OAF: variants seen among roughly 807,000 people sequenced by gnomAD.
OAF encodes out at first homolog.
In OAF, 13 loss-of-function variants were observed where a neutral mutation model predicts 22.5. That is an observed-to-expected ratio of 0.58 (90% CI 0.38 to 0.92). The LOEUF is 0.92. Ranked by LOEUF, OAF falls within the 40% of genes least tolerant of loss-of-function variation. The pLI, the probability that OAF is intolerant of heterozygous loss-of-function variation, is 0.00. For missense variants in OAF, 347 were observed against 381.8 expected, an observed-to-expected ratio of 0.91 and a Z score of 0.76; for synonymous variants, 175 against 170.5, an observed-to-expected ratio of 1.03 and a Z score of -0.21.
chr11:120,216,800 TG>T (rs1040220018), intron 1 of OAF, among the ~76,000 whole-genome samples: 2 of 151,762 alleles, frequency 1.3e-5, no homozygotes, highest in Non-Finnish European at 2.9e-5. Flanking sequence ...CACAGAGAGG[TG>T]GTGGAGATAA....
chr11:120,226,944 C>T lies in OAF; in HGVS notation c.495C>T (p.Ala165=), dbSNP rs151137876. The part of the protein sequence containing the change: ...SPHLHNVCAE[A]VDAIYTRQED... ...ATCTCCACAACGTGTGTGCCGAGGC[C>T]GTGGATGCCATCTACACCCGCCAGG... The change falls in exon 3 of 4, where the codon GCC becomes GCT. Residue 165 remains alanine, a synonymous_variant. Transcript: ENST00000328965. The T allele has an allele frequency of 1.7e-4, 281 of 1,609,162 alleles. No individual in the cohort carries two copies. In the African/African-American group the frequency reaches 3.1e-3, roughly 18 times the overall value.
At chr11:120,215,778 G>A (rs937536139) in intron 1 of OAF, among the ~76,000 whole-genome samples, 9 of 152,156 alleles carry the variant, frequency 5.9e-5, no homozygotes, top group Non-Finnish European at 2.9e-5. Flanking sequence ...CCCCTAGTCC[G>A]AGTGGCCAAA....
At chr11:120,228,821 T>TGCCAAACCAAC in intron 3 of OAF, 47 bp from the exon 4 acceptor site, 2 of 520,278 alleles carry the variant, frequency 3.8e-6, no homozygotes, top group Non-Finnish European at 7.2e-6. Flanking sequence ...GGGAGCTCCT[T>TGCCAAACCAAC]CCCTCCCTCC....
intron 1 of OAF, among the ~76,000 whole-genome samples, chr11:120,215,908 G>A (rs1180675364): frequency 6.6e-6 from 1 of 152,108 alleles, no homozygotes; most frequent in East Asian, 1.9e-4. Context: ...GGTGGGCGGT[G>A]GGGGTCCCTT....
intron 2 of OAF, among the ~76,000 whole-genome samples, 170 bp downstream of exon 2, chr11:120,225,965 C>T (rs961330679): frequency 1.3e-5 from 2 of 152,188 alleles, no homozygotes; most frequent in African/African-American, 4.8e-5. Context: ...AGCTCCTCAT[C>T]TTCACGCTGT....
At chr11:120,226,792 G>C in intron 2 of OAF, 24 bp from the exon 3 acceptor site, 1 of 1,567,010 alleles carries the variant, frequency 6.4e-7, no homozygotes. Flanking sequence ...AGCCAGGTAG[G>C]AGTGACTTCT....
Position 120,229,171 on chromosome 11 carries a change from C to A in OAF, c.*29C>A. On this transcript the variant is annotated 3_prime_UTR_variant, in exon 4 of 4. Transcript: ENST00000328965. ...GGGAGCAACCTGGCGGGTGGCTGCT[C>A]TGGGCCCACTGCTCTTCACCAGCCA... 1 of 1,594,554 alleles carries A rather than the reference C, an allele frequency of 6.3e-7. No homozygotes were observed. Among genetic ancestry groups the A allele is most frequent in the South Asian group, 1.1e-5 (1 of 89,612 alleles).
intron 1 of OAF, among the ~76,000 whole-genome samples, chr11:120,211,740 C>T (rs995512834): frequency 3.3e-5 from 5 of 152,132 alleles, no homozygotes; most frequent in African/African-American, 1.2e-4. Context: ...CCAGCGCTCC[C>T]AGAGCCCCCC....
chr11:120,229,359 C>A lies in OAF; in HGVS notation c.*217C>A. 2.1e-5 allele frequency: 12 copies of A among 568,452 alleles called. No individual in the cohort carries two copies. Among genetic ancestry groups the A allele is most frequent in the South Asian group, 4.2e-5 (2 of 48,180 alleles). 35.2% of individuals were successfully genotyped at this position (568,452 alleles called of 1,614,324 possible). ...CACCCCCATTCCCACCCTGTGCCTTCCTTGCGGGCAGAGAGGGAGAGAAGG... is the reference window on the plus strand; with the variant it reads ...CACCCCCATTCCCACCCTGTGCCTTACTTGCGGGCAGAGAGGGAGAGAAGG... On this transcript the variant is annotated 3_prime_UTR_variant, in exon 4 of 4. Coordinates refer to ENST00000328965, the MANE Select transcript of OAF (RefSeq NM_178507.4).
rs1938344463 is a variant in OAF at position 120,225,584 on chromosome 11, G to A, written c.232-77G>A. 26 of 1,367,080 alleles carry A rather than the reference G, an allele frequency of 1.9e-5. No homozygotes were observed. In the South Asian group the frequency reaches 3.1e-4, roughly 16 times the overall value. The allele number at this position is 1,367,080 out of a possible 1,614,324, so 84.7% of individuals were successfully genotyped here. On this transcript the variant is annotated intron_variant, in intron 1 of 3. Coordinates refer to ENST00000328965, the MANE Select transcript of OAF (RefSeq NM_178507.4). ...CAGTGTCCAGGCATCCTGTTCAGGG[G>A]CCAAGCTGAGCACCCGGTGGGCCAG...
Position 120,226,750 on chromosome 11 carries a change from G to A in OAF, c.367-66G>A, listed in dbSNP as rs918378022. The A allele has an allele frequency of 2.4e-5, 34 of 1,437,720 alleles. No homozygotes were observed. The African/African-American group carries it at 4.3e-4, about 18-fold the overall frequency. The allele number at this position is 1,437,720 out of a possible 1,614,324, so 89.1% of individuals were successfully genotyped here. On this transcript the variant is annotated intron_variant, in intron 2 of 3. Transcript: ENST00000328965. Reference sequence around the variant, plus strand: ...AGCTTGGGCTCGCCTGACTCTGGAGGGTCAGGGGAAGATGGACAGGGAGCA... The same window carrying A: ...AGCTTGGGCTCGCCTGACTCTGGAGAGTCAGGGGAAGATGGACAGGGAGCA...
chr11:120,227,396 G>A (rs565830533), intron 3 of OAF, among the ~76,000 whole-genome samples: 1 of 152,240 alleles, frequency 6.6e-6, no homozygotes, highest in Admixed American at 6.5e-5. Flanking sequence ...TCCAGGCAGG[G>A]CACACAGACT....
intron 1 of OAF, among the ~76,000 whole-genome samples, chr11:120,217,786 C>T (rs559539246): frequency 3.5e-4 from 53 of 152,166 alleles, no homozygotes; most frequent in Non-Finnish European, 6.3e-4. Context: ...CAGAGGCCCG[C>T]GTGGGCATGT....
chr11:120,228,739 A>T (rs1938393836), intron 3 of OAF, 129 bp from the exon 4 acceptor site: 8 of 692,342 alleles, frequency 1.2e-5, no homozygotes, highest in Non-Finnish European at 1.7e-5. Flanking sequence ...AAGCTTGGAA[A>T]TGGAGGTGTC....
chr11:120,224,028 G>A (rs1203615070), intron 1 of OAF, among the ~76,000 whole-genome samples: 1 of 152,224 alleles, frequency 6.6e-6, no homozygotes, highest in Non-Finnish European at 1.5e-5. Flanking sequence ...CAAGGAGATT[G>A]CAGCACCATG....
chr11:120,216,941 C>G (rs1353586041), intron 1 of OAF, among the ~76,000 whole-genome samples: 2 of 152,186 alleles, frequency 1.3e-5, no homozygotes, highest in African/African-American at 4.8e-5. Context: ...CTGGAGCTCT[C>G]AAGTGAGGCT....
Position 120,229,369 on chromosome 11 carries a change from AGAGAGGG to A in OAF, c.*228_*234del. On this transcript the variant is annotated 3_prime_UTR_variant, in exon 4 of 4. Coordinates refer to ENST00000328965, the MANE Select transcript of OAF (RefSeq NM_178507.4). Reference sequence around the variant, plus strand: ...CCCACCCTGTGCCTTCCTTGCGGGCAGAGAGGGAGAGAAGGGCTCCCCAGATCTACAC... The same window carrying A: ...CCCACCCTGTGCCTTCCTTGCGGGCAAGAGAAGGGCTCCCCAGATCTACAC... 1 of 308,026 alleles carries A rather than the reference AGAGAGGG, an allele frequency of 3.2e-6. No homozygotes were observed. The highest frequency in any genetic ancestry group is 1.2e-4 in the South Asian group (1 of 8,536). 19.1% of individuals were successfully genotyped at this position (308,026 alleles called of 1,614,324 possible). A position where few individuals can be genotyped will look rare whatever the true frequency, so the allele number is the denominator to read the frequency against.
chr11:120,228,747 G>A, intron 3 of OAF, 121 bp from the exon 4 acceptor site: 1 of 728,136 alleles, frequency 1.4e-6, no homozygotes, highest in Non-Finnish European at 2.2e-6. Context: ...AAATGGAGGT[G>A]TCTGTAAATG....
chr11:120,213,752 G>A (rs967993611), intron 1 of OAF: 3 of 152,148 alleles, frequency 2.0e-5, no homozygotes, highest in African/African-American at 7.2e-5. Context: ...AAGAAAGTTT[G>A]GTCTAGAAGG....
Sources: allele counts gnomAD v4.1 joint callset (sites outside exome capture counted in the v4.1 genomes callset), GRCh38; gene constraint gnomAD v4.1.1; transcripts MANE v1.5; gene names NCBI Gene and HGNC (gene_info 2026-07-23, HGNC 2026-07-21).